Variants in NKAIN3 observed in about 807,000 individuals in gnomAD.
NKAIN3 encodes sodium/potassium-transporting ATPase subunit beta-1-interacting protein 3.
A neutral mutation model predicts 30.2 loss-of-function variants in NKAIN3; 25 were observed. The observed-to-expected ratio is 0.83, with a 90% confidence interval of 0.60 to 1.16. NKAIN3 has a LOEUF of 1.16. NKAIN3 is among the 50% of genes most tolerant of loss of function. NKAIN3 has a pLI of 0.00. For synonymous variants in NKAIN3, 91 were observed against 89.6 expected (o/e 1.02, Z -0.09); for missense variants, 225 against 254.1 (o/e 0.89, Z 0.78).
intron 4 of NKAIN3, among the ~76,000 whole-genome samples, chr8:62,821,681 G>T (rs73684089): frequency 6.6e-6 from 1 of 152,034 alleles, no homozygotes; most frequent in Non-Finnish European, 1.5e-5. Context: ...ACAAAGAAAC[G>T]TAAGCATTAG....
At chr8:62,642,146 A>T (rs1217853408) in intron 3 of NKAIN3, among the ~76,000 whole-genome samples, 2 of 152,118 alleles carry the variant, frequency 1.3e-5, no homozygotes, top group Non-Finnish European at 2.9e-5. Flanking sequence ...GATGACAAAA[A>T]CAATGCTCCT....
At chr8:62,339,721 C>T (rs73684904) in intron 1 of NKAIN3, among the ~76,000 whole-genome samples, 6,039 of 151,954 alleles carry the variant, frequency 0.04, 434 homozygotes, top group African/African-American at 0.14. Context: ...TCCTAAGAGG[C>T]GTCAGAAATC....
chr8:62,318,619 A>C (rs574350967), intron 1 of NKAIN3, among the ~76,000 whole-genome samples: 1 of 152,102 alleles, frequency 6.6e-6, no homozygotes, highest in Non-Finnish European at 1.5e-5. Flanking sequence ...GGTTCTGTTT[A>C]TATGCTGTAT....
chr8:62,997,223 T>C (rs1431886568), intron 5 of NKAIN3, among the ~76,000 whole-genome samples: 1 of 152,192 alleles, frequency 6.6e-6, no homozygotes, highest in East Asian at 1.9e-4. Flanking sequence ...AAGTTGCTTC[T>C]GGCACATTTC....
chr8:62,505,776 T>C (rs1243536831), intron 1 of NKAIN3, among the ~76,000 whole-genome samples: 3 of 152,146 alleles, frequency 2.0e-5, no homozygotes, highest in Admixed American at 2.0e-4. Flanking sequence ...TAGTTTCCCA[T>C]TGCTGCTACA....
chr8:62,264,631 T>G (rs1465704848), intron 1 of NKAIN3, among the ~76,000 whole-genome samples: 1 of 152,186 alleles, frequency 6.6e-6, no homozygotes, highest in African/African-American at 2.4e-5. Flanking sequence ...GGAGTTTACT[T>G]GGCACTGAAG....
chr8:62,420,819 AT>A (rs1273230015), intron 1 of NKAIN3, among the ~76,000 whole-genome samples: 1 of 152,196 alleles, frequency 6.6e-6, no homozygotes, highest in Non-Finnish European at 1.5e-5. Flanking sequence ...TAGTTTAAAA[AT>A]TTTCAGAAAA....
chr8:62,708,458 T>C (rs1814607417), intron 3 of NKAIN3, among the ~76,000 whole-genome samples: 2 of 152,116 alleles, frequency 1.3e-5, no homozygotes, highest in Non-Finnish European at 2.9e-5. Flanking sequence ...TTAGGTATAT[T>C]CCTAATTATT....
In NKAIN3 at chr8:62,982,060, T is replaced by C. The variant is rs746770811; in HGVS notation, c.*16653T>C. The C allele has an allele frequency of 6.6e-6, 1 of 152,142 alleles. No individual in the cohort carries two copies. Among genetic ancestry groups the C allele is most frequent in the African/African-American group, 2.4e-5 (1 of 41,436 alleles). 9.4% of individuals were successfully genotyped at this position (152,142 alleles called of 1,614,324 possible). A position where few individuals can be genotyped will look rare whatever the true frequency, so the allele number is the denominator to read the frequency against. On this transcript the variant is annotated 3_prime_UTR_variant, in exon 7 of 7. Transcript: ENST00000623646. ...CTATCTCTACCTAAAAGAACAGAGA[T>C]AGAAAACTCATATAAAAATCTAAAC... is the stretch of plus-strand genomic sequence containing the variant.
chr8:62,683,323 C>T (rs574895526), intron 3 of NKAIN3, among the ~76,000 whole-genome samples: 15 of 152,268 alleles, frequency 9.9e-5, no homozygotes, highest in African/African-American at 3.6e-4. Context: ...CATGAGCCAC[C>T]ACGCCTGGCC....
At chr8:62,594,692 T>C (rs2130122739) in intron 3 of NKAIN3, among the ~76,000 whole-genome samples, 1 of 152,142 alleles carries the variant, frequency 6.6e-6, no homozygotes, top group South Asian at 2.1e-4. Context: ...TTTCACTACA[T>C]TTTGAAGTGG....
chr8:62,369,687 A>G (rs1416094420), intron 1 of NKAIN3, among the ~76,000 whole-genome samples: 2 of 152,046 alleles, frequency 1.3e-5, no homozygotes, highest in African/African-American at 4.8e-5. Flanking sequence ...CCTGATGGCT[A>G]CATAGATTTT....
At chr8:62,485,844 C>A (rs1806883218) in intron 1 of NKAIN3, among the ~76,000 whole-genome samples, 1 of 152,152 alleles carries the variant, frequency 6.6e-6, no homozygotes, top group African/African-American at 2.4e-5. Flanking sequence ...CAGATATGAA[C>A]CCTGCAGGAA....
At chr8:62,507,854 C>T (rs1478779650) in intron 1 of NKAIN3, among the ~76,000 whole-genome samples, 1 of 152,128 alleles carries the variant, frequency 6.6e-6, no homozygotes, top group African/African-American at 2.4e-5. Context: ...AGAAAGGACA[C>T]GGAAAAAGAG....
chr8:62,394,898 C>G (rs79975253), intron 1 of NKAIN3, among the ~76,000 whole-genome samples: 1 of 140,518 alleles, frequency 7.1e-6, no homozygotes, highest in Non-Finnish European at 1.5e-5. Context: ...ACTTCCCCGA[C>G]GGGGCGGCGG....
chr8:62,632,277 A>T (rs1296513118), intron 3 of NKAIN3, among the ~76,000 whole-genome samples: 2 of 152,162 alleles, frequency 1.3e-5, no homozygotes, highest in Admixed American at 1.3e-4. Flanking sequence ...GCTAATATGA[A>T]ATTTTTGTGT....
intron 1 of NKAIN3, among the ~76,000 whole-genome samples, chr8:62,573,008 T>C (rs1459213254): frequency 6.6e-6 from 1 of 152,190 alleles, no homozygotes; most frequent in Admixed American, 6.5e-5. Flanking sequence ...AGGTAGTTAA[T>C]GCGGGGCATG....
intron 4 of NKAIN3, among the ~76,000 whole-genome samples, chr8:62,890,684 C>T (rs1448176032): frequency 6.6e-6 from 1 of 152,128 alleles, no homozygotes; most frequent in East Asian, 1.9e-4. Flanking sequence ...TTGGAATGAA[C>T]CTGCTTGCAC....
intron 3 of NKAIN3, among the ~76,000 whole-genome samples, chr8:62,605,449 C>A (rs1811095082): frequency 6.6e-6 from 1 of 151,658 alleles, no homozygotes; most frequent in Non-Finnish European, 1.5e-5. Flanking sequence ...TCTATTTTAT[C>A]TAGTATTTAC....
Sources: gnomAD v4.1 joint callset for allele counts (sites outside exome capture counted in the v4.1 genomes callset) on GRCh38, gnomAD v4.1.1 for gene constraint, MANE v1.5 for transcripts, NCBI Gene and HGNC (gene_info 2026-07-23, HGNC 2026-07-21) for gene names.